The following LINGO2 variants were observed in gnomAD, a reference collection of about 807,000 sequenced individuals.
The protein encoded by LINGO2 is leucine rich repeat and Ig domain containing 2.
In LINGO2, 14 loss-of-function variants were observed where a neutral mutation model predicts 30.6. The ratio of observed to expected loss-of-function variants is 0.46; its 90% confidence interval spans 0.30 to 0.72. The LOEUF is 0.72. LINGO2 is among the 30% of genes least tolerant of loss of function. The pLI, the probability that LINGO2 is intolerant of heterozygous loss-of-function variation, is 0.07. For missense variants in LINGO2, 729 were observed against 751.7 expected (o/e 0.97, Z 0.35); for synonymous variants, 317 against 288.5 (o/e 1.10, Z -1.00).
rs568859084 is a variant in LINGO2, at chr9:28,171,845, G to GAA, written c.-87+123361_-87+123362dup. On this transcript the variant is annotated intron_variant, in intron 4 of 5. Transcript: ENST00000379992. ...AACACGGTGAAACCCCGTCTCTACT[G>GAA]AAAAAAAAAACAAAAAACCAAAAAA... Among the ~76,000 whole-genome samples the GAA allele has an allele frequency of 6.2e-3, 832 of 133,490 alleles. 10 individuals are homozygous for GAA. The highest frequency in any genetic ancestry group is 0.021 in the African/African-American group (767 of 36,292). The allele number at this position is 133,490 out of a possible 152,430, so 87.6% of individuals were successfully genotyped here.
At chr9:28,967,822 A>G in the LINGO2 span, among the ~76,000 whole-genome samples, 1 of 152,286 alleles carries the variant, frequency 6.6e-6, no homozygotes, top group East Asian at 1.9e-4. Flanking sequence ...CTTCTCTTTC[A>G]CCTCTAGCAG....
At position 28,194,985 on chromosome 9, in the gene LINGO2, T is replaced by G. The variant is rs1819957818; in HGVS notation, c.-87+100223A>C. Among the ~76,000 whole-genome samples the G allele has an allele frequency of 2.0e-5, 3 of 152,100 alleles. No homozygotes were observed. In the South Asian group the frequency reaches 6.2e-4, roughly 32 times the overall value. ...AGTAGTAGAGGATTTAAGTCACCTC[T>G]TTCTAGCCTTAACAGAATAAGTGGA... On this transcript the variant is annotated intron_variant, in intron 4 of 5. Coordinates refer to ENST00000379992, the Ensembl canonical transcript of LINGO2.
intron 1 of LINGO2, among the ~76,000 whole-genome samples, chr9:28,669,395 A>G (rs1828929637): frequency 6.6e-6 from 1 of 152,082 alleles, no homozygotes; most frequent in African/African-American, 2.4e-5. Context: ...ACCTTTCTTT[A>G]GTTCAATTAA....
At chr9:28,334,394 G>C (rs1825521613) in intron 3 of LINGO2, among the ~76,000 whole-genome samples, 1 of 152,074 alleles carries the variant, frequency 6.6e-6, no homozygotes, top group African/African-American at 2.4e-5. Context: ...TTGAAGCCTA[G>C]TTAATGAATT....
chr9:28,578,462 A>G (rs1824097270), intron 1 of LINGO2, among the ~76,000 whole-genome samples: 1 of 152,166 alleles, frequency 6.6e-6, no homozygotes, highest in South Asian at 2.1e-4. Flanking sequence ...ATTAACAATT[A>G]TTTAATGATA....
intron 4 of LINGO2, among the ~76,000 whole-genome samples, chr9:28,104,255 GTTTTTTGTTTGT>G (rs1422385035): frequency 1.3e-5 from 1 of 75,158 alleles, no homozygotes; most frequent in Non-Finnish European, 2.8e-5. Flanking sequence ...CCCAGTACAA[GTTTTTTGTTTGT>G]TTTTTTTTTT....
the LINGO2 span, among the ~76,000 whole-genome samples, chr9:29,070,170 T>A: frequency 2.6e-5 from 4 of 152,064 alleles, no homozygotes; most frequent in African/African-American, 9.7e-5. Flanking sequence ...AGACTCCCTA[T>A]GAGGAACCTG....
chr9:28,990,482 T>G, the LINGO2 span, among the ~76,000 whole-genome samples: 1 of 152,192 alleles, frequency 6.6e-6, no homozygotes, highest in Non-Finnish European at 1.5e-5. Flanking sequence ...TGTCCCTGTC[T>G]GACAGCTTTG....
At chr9:28,171,001 T>C (rs1010788630) in intron 4 of LINGO2, among the ~76,000 whole-genome samples, 1 of 152,226 alleles carries the variant, frequency 6.6e-6, no homozygotes, top group Admixed American at 6.5e-5. Flanking sequence ...CAGATGGTTA[T>C]GGGCACCATC....
At chr9:28,439,864 G>A (rs532358771) in intron 2 of LINGO2, among the ~76,000 whole-genome samples, 4 of 152,282 alleles carry the variant, frequency 2.6e-5, no homozygotes, top group African/African-American at 4.8e-5. Flanking sequence ...AAGGTCTGTC[G>A]TATGATTCAC....
At chr9:28,490,167 G>A (rs983850936) in intron 1 of LINGO2, among the ~76,000 whole-genome samples, 25 of 152,242 alleles carry the variant, frequency 1.6e-4, no homozygotes, top group African/African-American at 5.8e-4. Flanking sequence ...TCTAGGTAGA[G>A]TTAGGGGAGC....
chr9:28,481,165 T>A (rs1000585136), intron 1 of LINGO2, among the ~76,000 whole-genome samples: 2 of 152,190 alleles, frequency 1.3e-5, no homozygotes, highest in South Asian at 2.1e-4. Flanking sequence ...TGGGCTCATT[T>A]CCTATGTGCA....
intron 4 of LINGO2, among the ~76,000 whole-genome samples, chr9:28,020,577 AAAC>A (rs1823068387): frequency 6.7e-6 from 1 of 150,302 alleles, no homozygotes; most frequent in South Asian, 2.1e-4. Context: ...AAAACAAACA[AAAC>A]AAGAAAGTGT....
chr9:29,113,449 C>T, the LINGO2 span, among the ~76,000 whole-genome samples: 1 of 151,912 alleles, frequency 6.6e-6, no homozygotes, highest in Non-Finnish European at 1.5e-5. Context: ...AGGAGCAGAC[C>T]ATCCATGTCA....
the LINGO2 span, among the ~76,000 whole-genome samples, chr9:29,095,083 ACTCTGTCCTTCACAAGGAGTG>A: frequency 1.7e-4 from 24 of 138,222 alleles, 4 homozygotes; most frequent in East Asian, 5.8e-3. Flanking sequence ...GTTCATTGTA[ACTCTGTCCTTCACAAGGAGTG>A]CTTCTCTTTG....
the LINGO2 span, among the ~76,000 whole-genome samples, chr9:28,688,056 C>A: frequency 1.3e-5 from 2 of 152,168 alleles, no homozygotes; most frequent in East Asian, 3.9e-4. Flanking sequence ...AATTTCACAC[C>A]AAAATCTCAT....
chr9:28,184,735 GA>G (rs1819481276), intron 4 of LINGO2, among the ~76,000 whole-genome samples: 1 of 152,034 alleles, frequency 6.6e-6, no homozygotes, highest in African/African-American at 2.4e-5. Context: ...TCTAAAAGGA[GA>G]AAGTAAACAA....
At chr9:28,100,447 G>A (rs1051643226) in intron 4 of LINGO2, among the ~76,000 whole-genome samples, 4 of 152,166 alleles carry the variant, frequency 2.6e-5, no homozygotes, top group African/African-American at 9.6e-5. Flanking sequence ...CTAACATGGA[G>A]ATTTGAACAA....
At chr9:29,133,309 C>T in the LINGO2 span, among the ~76,000 whole-genome samples, 1 of 152,158 alleles carries the variant, frequency 6.6e-6, no homozygotes, top group African/African-American at 2.4e-5. Context: ...GATTGGGATG[C>T]TATACTACTT....
Sources: gnomAD v4.1 joint callset for allele counts (sites outside exome capture counted in the v4.1 genomes callset) on GRCh38, gnomAD v4.1.1 for gene constraint, MANE v1.5 for transcripts, NCBI Gene and HGNC (gene_info 2026-07-23, HGNC 2026-07-21) for gene names.